The following PJA2 variants were observed in gnomAD, a reference collection of about 807,000 sequenced individuals.
The protein encoded by PJA2 is praja ring finger ubiquitin ligase 2.
A neutral mutation model predicts 69.3 loss-of-function variants in PJA2; 25 were observed. The observed-to-expected ratio is 0.36, with a 90% CI of 0.26 to 0.50. The LOEUF (loss-of-function observed/expected upper bound fraction) is 0.50. PJA2 is among the 20% of genes least tolerant of loss of function. PJA2 has a pLI of 0.96. For synonymous variants in PJA2, 308 were observed against 277.8 expected (o/e 1.11, Z -1.08); for missense variants, 809 against 830.2 (o/e 0.97, Z 0.31).
chr5:109,400,596 T>C (rs991364667), intron 1 of PJA2, among the ~76,000 whole-genome samples: 1 of 152,086 alleles, frequency 6.6e-6, no homozygotes, highest in African/African-American at 2.4e-5. Context: ...AGAAGCTCAG[T>C]GATTCCCCCC....
At position 109,409,962 on chromosome 5, in the gene PJA2, C is replaced by T; in HGVS notation, c.-208G>A. 1 of 214,728 alleles carries T rather than the reference C, an allele frequency of 4.7e-6. No homozygotes were observed. Among genetic ancestry groups the T allele is most frequent in the Non-Finnish European group, 9.2e-6 (1 of 109,036 alleles). 13.3% of individuals were successfully genotyped at this position (214,728 alleles called of 1,614,324 possible). On this transcript the variant is annotated 5_prime_UTR_variant, in exon 1 of 10. Coordinates refer to ENST00000361189, the MANE Select transcript of PJA2 (RefSeq NM_014819.5). ...GCGAAGCGGCTGGCGGCTGTGGCGG[C>T]GGCGGCGGCGGTGGCGGCGGCGGAA...
intron 1 of PJA2, among the ~76,000 whole-genome samples, chr5:109,404,500 A>G (rs1347071465): frequency 2.0e-5 from 3 of 152,122 alleles, no homozygotes; most frequent in Non-Finnish European, 4.4e-5. Context: ...TAGCCGACAG[A>G]GCAAGACTCT....
chr5:109,377,926 A>G lies in PJA2; in HGVS notation c.1283+278T>C, dbSNP rs570556346. ...CAAATGTTTATTTTACATTTTATTA[A>G]TTGAAATACCATGAACTAGCATCTC... On this transcript the variant is annotated intron_variant, in intron 4 of 9. Transcript: ENST00000361189. Among the ~76,000 whole-genome samples, 3 of 152,264 alleles carry G rather than the reference A, an allele frequency of 2.0e-5. No homozygotes were observed. The East Asian group carries it at 5.8e-4, about 29-fold the overall frequency.
intron 9 of PJA2, among the ~76,000 whole-genome samples, chr5:109,342,307 G>A (rs1342367777): frequency 4.4e-5 from 5 of 114,116 alleles, no homozygotes; most frequent in East Asian, 2.7e-4. Flanking sequence ...CCGGCCAGCC[G>A]CCCTGTCCGG....
At chr5:109,355,015 G>C (rs1762389170) in intron 7 of PJA2, among the ~76,000 whole-genome samples, 2 of 152,012 alleles carry the variant, frequency 1.3e-5, no homozygotes, top group African/African-American at 2.4e-5. Flanking sequence ...CCCACTACCT[G>C]GGACAGGCTA....
intron 5 of PJA2, among the ~76,000 whole-genome samples, chr5:109,364,188 C>G (rs1471967414): frequency 6.6e-6 from 1 of 151,940 alleles, no homozygotes; most frequent in Admixed American, 6.6e-5. Context: ...TGTACTGGGA[C>G]AACTGGGTAT....
chr5:109,340,356 G>T (rs1762019870), intron 9 of PJA2, among the ~76,000 whole-genome samples: 1 of 151,526 alleles, frequency 6.6e-6, no homozygotes, highest in Non-Finnish European at 1.5e-5. Flanking sequence ...GTGGCAAATA[G>T]AAATAGAGGA....
intron 7 of PJA2, among the ~76,000 whole-genome samples, chr5:109,347,529 T>C (rs550707474): frequency 1.3e-5 from 2 of 152,350 alleles, no homozygotes; most frequent in African/African-American, 4.8e-5. Context: ...CAGCTTCTCC[T>C]TGTACTCATC....
chr5:109,349,611 G>C (rs549992014), intron 7 of PJA2, among the ~76,000 whole-genome samples: 1 of 152,234 alleles, frequency 6.6e-6, no homozygotes, highest in Non-Finnish European at 1.5e-5. Context: ...CTTCCAGCAA[G>C]TTTCACCAGC....
At chr5:109,343,292 AG>A (rs368098143) in intron 9 of PJA2, among the ~76,000 whole-genome samples, 2,581 of 30,440 alleles carry the variant, frequency 0.085, 104 homozygotes, top group Non-Finnish European at 0.12. Flanking sequence ...AAAAAAAAAA[AG>A]AAAGAAAGAA....
At chr5:109,409,255 G>C (rs1747767619) in intron 1 of PJA2, 8 of 152,228 alleles carry the variant, frequency 5.3e-5, no homozygotes, top group Admixed American at 4.6e-4. Context: ...GGAGTAGAGC[G>C]ACTGCTGCGG....
chr5:109,395,746 C>G (rs541707731), intron 1 of PJA2, among the ~76,000 whole-genome samples: 190 of 152,140 alleles, frequency 1.2e-3, no homozygotes, highest in African/African-American at 4.5e-3. Context: ...TGCCTGTAAT[C>G]CCAGCACTTT....
rs1416249723 is a variant in PJA2, at chr5:109,354,100, A to C, written c.1764+1815T>G. On this transcript the variant is annotated intron_variant, in intron 7 of 9. Coordinates refer to ENST00000361189, the MANE Select transcript of PJA2 (RefSeq NM_014819.5). ...ATAGATTAGATATCTATATCTAGAG[A>C]TATCTATAGATTAGATATCTATGGT... Among the ~76,000 whole-genome samples, 10 of 118,788 alleles carry C rather than the reference A, an allele frequency of 8.4e-5. 1 individual carries two copies. Among genetic ancestry groups the C allele is most frequent in the African/African-American group, 1.7e-4 (5 of 29,202 alleles). The allele number at this position is 118,788 out of a possible 152,430, so 77.9% of individuals were successfully genotyped here.
chr5:109,362,474 C>A (rs1462914571), intron 6 of PJA2, among the ~76,000 whole-genome samples: 1 of 152,042 alleles, frequency 6.6e-6, no homozygotes, highest in Non-Finnish European at 1.5e-5. Flanking sequence ...CTGATTCAAC[C>A]ATAGGTTTTA....
rs1443418951 is a variant in PJA2, at chr5:109,378,666, C to T, written c.821G>A (p.Ser274Asn). The T allele has an allele frequency of 6.2e-7, 1 of 1,614,032 alleles. No individual in the cohort carries two copies. Among genetic ancestry groups the T allele is most frequent in the East Asian group, 2.2e-5 (1 of 44,880 alleles). The change falls in exon 4 of 10, where the codon AGC becomes AAC. Residue 274 changes from serine (S) to asparagine (N), a missense_variant. Physicochemically the swap from Ser to Asn is conservative, Grantham distance 46. Coordinates refer to ENST00000361189, the MANE Select transcript of PJA2 (RefSeq NM_014819.5). The stretch of plus-strand genomic sequence containing the variant: ...TGAATGTTCTGTCTGTCTTTCCTGG[C>T]TAGTATTATTTTGTTGTTTCGTACT... The part of the protein sequence containing the change: ...MVSTKQQNNT[S>N]QERQTEHSPE...
At position 109,344,304 on chromosome 5, in the gene PJA2, A is replaced by C. The variant is rs1762138080; in HGVS notation, c.1887T>G (p.Gly629=). 6.3e-7 allele frequency: 1 copy of C among 1,585,354 alleles called. No individual in the cohort carries two copies. The part of the protein sequence containing the change: ...TLVLEDHTAI[G]QEQCCPICCS... The stretch of plus-strand genomic sequence containing the variant: ...AACAGATTGGACAGCATTGTTCCTG[A>C]CCAATAGCTGAAAACAACAAATAAT... Residue 629 remains glycine, a synonymous_variant, in exon 9 of 10, where the codon GGT becomes GGG. Transcript: ENST00000361189.
chr5:109,353,433 CCTATATATAGATATCTATATATTA>C (rs1762311052), intron 7 of PJA2, among the ~76,000 whole-genome samples: 1 of 47,466 alleles, frequency 2.1e-5, no homozygotes, highest in Non-Finnish European at 6.5e-5. Context: ...ATATTAGATA[CCTATATATAGATATCTATATATTA>C]GATACCTATA....
rs1746971665 is a variant in PJA2 at position 109,379,050 on chromosome 5, T to A, written c.437A>T (p.Tyr146Phe). ...TNLHNHSEGEYIPGACSASSV... is the reference protein window; with the variant it reads ...TNLHNHSEGEFIPGACSASSV... ...TGAAGCACTACAAGCTCCTGGAATATACTCTCCCTCAGAGTGATTATGAAG... is the reference window on the plus strand; with the variant it reads ...TGAAGCACTACAAGCTCCTGGAATAAACTCTCCCTCAGAGTGATTATGAAG... The change falls in exon 4 of 10, where the codon TAT (tyrosine) becomes TTT (phenylalanine). Residue 146 changes from tyrosine to phenylalanine, a missense_variant. Tyr to Phe is a conservative substitution (Grantham distance 22). Transcript: ENST00000361189. The A allele has an allele frequency of 1.2e-6, 2 of 1,614,146 alleles. No individual in the cohort carries two copies. The highest frequency in any genetic ancestry group is 1.7e-6 in the Non-Finnish European group (2 of 1,180,008).
intron 1 of PJA2, among the ~76,000 whole-genome samples, chr5:109,387,553 G>C (rs1458979666): frequency 5.3e-5 from 8 of 152,144 alleles, no homozygotes; most frequent in Admixed American, 5.2e-4. Context: ...GTGACAATTA[G>C]TCACTTCAAA....
Sources: gnomAD v4.1 joint callset for allele counts (sites outside exome capture counted in the v4.1 genomes callset) on GRCh38, gnomAD v4.1.1 for gene constraint, MANE v1.5 for transcripts, NCBI Gene and HGNC (gene_info 2026-07-23, HGNC 2026-07-21) for gene names.